ANKRD36C: variants seen among roughly 807,000 people sequenced by gnomAD.
ANKRD36C encodes ankyrin repeat domain 36C.
In ANKRD36C, 61 loss-of-function variants were observed where a neutral mutation model predicts 276.4. The ratio of observed to expected loss-of-function variants is 0.22; its 90% confidence interval spans 0.18 to 0.27. The LOEUF (loss-of-function observed/expected upper bound fraction) is 0.27, where lower values mean the gene tolerates loss of function less well. Among genes scored for constraint, ANKRD36C ranks in the 10% least tolerant of loss-of-function variants. The pLI, the probability that ANKRD36C is intolerant of heterozygous loss-of-function variation, is 1.00. For synonymous variants in ANKRD36C, 483 were observed against 680.1 expected, an observed-to-expected ratio of 0.71 and a Z score of 4.51; for missense variants, 1,447 against 2,032.3, an observed-to-expected ratio of 0.71 and a Z score of 5.54.
At chr2:95,985,830 G>C (rs1270483645) in intron 3 of ANKRD36C, among the ~76,000 whole-genome samples, 2 of 152,074 alleles carry the variant, frequency 1.3e-5, no homozygotes, top group African/African-American at 4.8e-5. Context: ...AGACTAGTAA[G>C]CTCAAAATCC....
intron 60 of ANKRD36C, among the ~76,000 whole-genome samples, chr2:95,865,597 A>G (rs1425465428): frequency 1.3e-5 from 2 of 152,128 alleles, no homozygotes; most frequent in Non-Finnish European, 2.9e-5. Context: ...AAGTCTAAAC[A>G]CAGAATACAT....
At chr2:95,912,459 A>T (rs1297040354) in intron 40 of ANKRD36C, 24 bp from the exon 43 acceptor site, 2 of 1,604,894 alleles carry the variant, frequency 1.2e-6, no homozygotes, top group Non-Finnish European at 1.7e-6. Flanking sequence ...GGGATACATA[A>T]TCACTCACAC....
At chr2:95,918,764 C>A (rs1046534633) in intron 34 of ANKRD36C, among the ~76,000 whole-genome samples, 4 of 151,362 alleles carry the variant, frequency 2.6e-5, no homozygotes, top group Non-Finnish European at 4.4e-5. Context: ...TGACATACTT[C>A]TACAAAGTAA....
chr2:95,879,099 T>C (rs1193703862), intron 58 of ANKRD36C, among the ~76,000 whole-genome samples: 1 of 152,196 alleles, frequency 6.6e-6, no homozygotes, highest in African/African-American at 2.4e-5. Context: ...AAAAATGTGA[T>C]ACATATATGG....
chr2:95,891,616 T>A (rs1321218680), intron 46 of ANKRD36C, 49 bp downstream of exon 66: 1 of 1,527,532 alleles, frequency 6.5e-7, no homozygotes, highest in Admixed American at 2.0e-5. Context: ...GAAGAGAATT[T>A]CTTATCTATC....
intron 44 of ANKRD36C, 148 bp from the exon 61 acceptor site, chr2:95,895,738 G>C (rs1486371713): frequency 3.2e-5 from 44 of 1,389,992 alleles, no homozygotes; most frequent in African/African-American, 1.5e-4. Flanking sequence ...GGGACCAGAA[G>C]GTGACAGAAA....
intron 34 of ANKRD36C, among the ~76,000 whole-genome samples, chr2:95,920,968 C>T (rs2104421702): frequency 6.7e-6 from 1 of 150,216 alleles, no homozygotes; most frequent in East Asian, 2.0e-4. Context: ...TGCTTTATCC[C>T]AATTCTAGCA....
Position 95,919,724 on chromosome 2 carries a change from G to A in ANKRD36C, c.2246-1682C>T. The A allele has an allele frequency of 3.5e-6, 3 of 859,816 alleles. 1 individual carries two copies. The highest frequency in any genetic ancestry group is 4.1e-6 in the Non-Finnish European group (3 of 727,262). The allele number at this position is 859,816 out of a possible 1,614,324, so 53.3% of individuals were successfully genotyped here. On this transcript the variant is annotated intron_variant, in intron 34 of 66. Transcript: ENST00000456556. ...TTGAACATGACATTGAATGTGTTTT[G>A]CAAATTACCTGTCTCAGATTTTTCT...
intron 44 of ANKRD36C, chr2:95,894,086 C>G: frequency 3.2e-6 from 1 of 309,934 alleles, no homozygotes. Flanking sequence ...GCTACATGAT[C>G]CCACATTTCT....
At chr2:95,872,872 A>C (rs142797090) in intron 59 of ANKRD36C, among the ~76,000 whole-genome samples, 2 of 151,816 alleles carry the variant, frequency 1.3e-5, no homozygotes, top group East Asian at 3.9e-4. Context: ...ACTACCATCA[A>C]AGAATACTAC....
chr2:95,970,626 T>G (rs1438447717), intron 6 of ANKRD36C, among the ~76,000 whole-genome samples: 1 of 152,202 alleles, frequency 6.6e-6, no homozygotes, highest in Non-Finnish European at 1.5e-5. Flanking sequence ...ATGACTCTCT[T>G]GGCATTTTTC....
intron 60 of ANKRD36C, among the ~76,000 whole-genome samples, chr2:95,861,032 A>G (rs997706084): frequency 2.0e-5 from 3 of 152,208 alleles, no homozygotes; most frequent in African/African-American, 7.2e-5. Context: ...CCCATGAGCC[A>G]GGCCAAAATA....
chr2:95,914,355 A>C, intron 38 of ANKRD36C, 52 bp from the exon 41 acceptor site: 1 of 1,533,706 alleles, frequency 6.5e-7, no homozygotes, highest in Non-Finnish European at 8.8e-7. Flanking sequence ...TGACAAAATT[A>C]TCCATACATT....
intron 24 of ANKRD36C, among the ~76,000 whole-genome samples, chr2:95,932,689 G>A (rs928170198): frequency 2.0e-5 from 3 of 151,848 alleles, no homozygotes; most frequent in Admixed American, 6.5e-5. Context: ...CAAAGAGTCA[G>A]GAAAGCATGA....
intron 66 of ANKRD36C, among the ~76,000 whole-genome samples, 174 bp downstream of exon 86, chr2:95,851,520 T>C (rs1336870977): frequency 6.6e-6 from 1 of 152,224 alleles, no homozygotes; most frequent in Non-Finnish European, 1.5e-5. Flanking sequence ...ATGAATTTCA[T>C]GTTTAGACTC....
chr2:95,902,049 T>C (rs1676667242), intron 42 of ANKRD36C, among the ~76,000 whole-genome samples: 2 of 147,014 alleles, frequency 1.4e-5, no homozygotes, highest in Admixed American at 1.4e-4. Context: ...CATTCTTGTG[T>C]CTAAAATACT....
At chr2:95,923,875 T>C (rs1446459072) in intron 30 of ANKRD36C, among the ~76,000 whole-genome samples, 186 bp from the exon 31 acceptor site, 4 of 151,612 alleles carry the variant, frequency 2.6e-5, no homozygotes, top group African/African-American at 9.7e-5. Flanking sequence ...TTTCACAAAA[T>C]AAACCCTTAC....
chr2:95,928,128 G>C (rs1314899515), intron 26 of ANKRD36C, among the ~76,000 whole-genome samples: 2 of 151,546 alleles, frequency 1.3e-5, no homozygotes, highest in African/African-American at 4.8e-5. Context: ...AAGTAAAACT[G>C]CTACAAGCAT....
intron 63 of ANKRD36C, among the ~76,000 whole-genome samples, chr2:95,854,927 G>C (rs542084171): frequency 5.3e-5 from 8 of 152,106 alleles, no homozygotes; most frequent in African/African-American, 1.9e-4. Flanking sequence ...TTAGGTATGA[G>C]CATTTCCATA....
Sources: allele counts gnomAD v4.1 joint callset (sites outside exome capture counted in the v4.1 genomes callset), GRCh38; gene constraint gnomAD v4.1.1; transcripts MANE v1.5; gene names NCBI Gene and HGNC (gene_info 2026-07-23, HGNC 2026-07-21).